The following NSMAF variants were observed in gnomAD, a reference collection of about 807,000 sequenced individuals.
The protein encoded by NSMAF is protein FAN.
A neutral mutation model predicts 134.9 loss-of-function variants in NSMAF; 90 were observed. The observed-to-expected ratio is 0.67, with a 90% confidence interval of 0.56 to 0.79. The LOEUF is 0.79. NSMAF is among the 30% of genes least tolerant of loss of function. The pLI is 0.00. For synonymous variants in NSMAF, 358 were observed against 389.6 expected (o/e 0.92, Z 0.96); for missense variants, 1,010 against 1,119.0 (o/e 0.90, Z 1.39).
At chr8:58,592,976 T>A (rs1806052923) in intron 23 of NSMAF, among the ~76,000 whole-genome samples, 1 of 152,096 alleles carries the variant, frequency 6.6e-6, no homozygotes, top group Admixed American at 6.6e-5. Context: ...ACATAATGCT[T>A]AATAAGCCTC....
chr8:58,602,441 A>G (rs1806306586), intron 13 of NSMAF, among the ~76,000 whole-genome samples: 1 of 152,150 alleles, frequency 6.6e-6, no homozygotes, highest in Admixed American at 6.5e-5. Flanking sequence ...AACAACAACA[A>G]CAAAATTTTA....
rs2129144445 is a variant in NSMAF, at chr8:58,623,780, C to G, written c.385G>C (p.Gly129Arg). 1 of 1,612,772 alleles carries G rather than the reference C, an allele frequency of 6.2e-7. No homozygotes were observed. The highest frequency in any genetic ancestry group is 1.7e-4 in the Middle Eastern group (1 of 6,056). The part of the protein sequence containing the change: ...NVVAPYKIER[G>R]KMEYVFELDV... Reference sequence around the variant, plus strand: ...AATTCAAAAACATATTCCATTTTGCCCTAACAAAAAGGGGAAGATATCAAA... The same window carrying G: ...AATTCAAAAACATATTCCATTTTGCGCTAACAAAAAGGGGAAGATATCAAA... Residue 129 changes from glycine (G) to arginine (R), a missense_variant and splice_region_variant, in exon 7 of 31, where the codon GGC becomes CGC. By Grantham distance (125) the Gly-to-Arg change is moderately radical. Coordinates refer to ENST00000038176, the MANE Select transcript of NSMAF (RefSeq NM_003580.4).
At chr8:58,585,873 G>GC (rs1563521370) in intron 29 of NSMAF, 25 bp downstream of exon 29, 6 of 1,596,752 alleles carry the variant, frequency 3.8e-6, no homozygotes, top group Admixed American at 3.3e-5. Context: ...AAATGTCTTC[G>GC]CCCCCAGTAA....
chr8:58,650,209 G>T (rs999069816), intron 1 of NSMAF, among the ~76,000 whole-genome samples: 1 of 152,140 alleles, frequency 6.6e-6, no homozygotes, highest in African/African-American at 2.4e-5. Context: ...TGTTACACCT[G>T]GTACCAGGCT....
chr8:58,630,504 T>A (rs192489785), intron 6 of NSMAF, among the ~76,000 whole-genome samples: 29 of 152,070 alleles, frequency 1.9e-4, no homozygotes, highest in Admixed American at 5.3e-4. Context: ...AGGTGAGTGG[T>A]TCTCAACTTG....
At chr8:58,597,239 T>C in intron 21 of NSMAF, 148 bp downstream of exon 21, 1 of 697,394 alleles carries the variant, frequency 1.4e-6, no homozygotes, top group Non-Finnish European at 2.4e-6. Context: ...AAAACAGGTA[T>C]CTGTTTTCAG....
Position 58,603,227 on chromosome 8 carries a change from T to A in NSMAF, c.1028A>T (p.Tyr343Phe). 1 of 1,614,188 alleles carries A rather than the reference T, an allele frequency of 6.2e-7. No homozygotes were observed. The highest frequency in any genetic ancestry group is 1.1e-5 in the South Asian group (1 of 91,086). ...GCAGTTACCTAGTTCTGAGCTGGAA[T>A]AATCATGTATTATCCATGGAAACAC... ...YPVFPWIIHD[Y>F]SSSELDLSNP... The change falls in exon 13 of 31, where the codon TAT (tyrosine) becomes TTT (phenylalanine). Residue 343 changes from tyrosine (Y) to phenylalanine (F), a missense_variant. By Grantham distance (22) the Tyr-to-Phe change is conservative. Coordinates refer to ENST00000038176, the MANE Select transcript of NSMAF (RefSeq NM_003580.4).
At chr8:58,617,245 C>A (rs1375286647) in intron 9 of NSMAF, among the ~76,000 whole-genome samples, 2 of 152,152 alleles carry the variant, frequency 1.3e-5, no homozygotes, top group African/African-American at 2.4e-5. Flanking sequence ...AGGACATAGG[C>A]ATGGGCAAGG....
chr8:58,624,335 C>T (rs1424612602), intron 6 of NSMAF, among the ~76,000 whole-genome samples: 11 of 152,140 alleles, frequency 7.2e-5, no homozygotes, highest in African/African-American at 2.4e-4. Flanking sequence ...GTGTGAACCA[C>T]CACACCTGGC....
intron 16 of NSMAF, 103 bp downstream of exon 16, chr8:58,601,182 C>T (rs1806269921): frequency 1.0e-6 from 1 of 985,442 alleles, no homozygotes; most frequent in Admixed American, 2.0e-5. Context: ...TGATTTTTTA[C>T]ATTTCTTTAC....
At chr8:58,598,791 G>C (rs1024472645) in intron 19 of NSMAF, among the ~76,000 whole-genome samples, 20 of 152,240 alleles carry the variant, frequency 1.3e-4, no homozygotes, top group Non-Finnish European at 2.5e-4. Flanking sequence ...GGGAGGCCGA[G>C]GTGGGCAGAT....
chr8:58,634,174 C>T (rs999806576), intron 5 of NSMAF, among the ~76,000 whole-genome samples: 3 of 152,074 alleles, frequency 2.0e-5, no homozygotes, highest in African/African-American at 4.8e-5. Context: ...TTCACATATA[C>T]CAGTTAAAAC....
chr8:58,613,310 G>C (rs1487472776), intron 9 of NSMAF, among the ~76,000 whole-genome samples: 1 of 152,110 alleles, frequency 6.6e-6, no homozygotes, highest in African/African-American at 2.4e-5. Context: ...TTAGCCACAA[G>C]ATAAGATCAT....
At chr8:58,588,142 T>C (rs925594685) in intron 26 of NSMAF, among the ~76,000 whole-genome samples, 3 of 152,224 alleles carry the variant, frequency 2.0e-5, no homozygotes, top group African/African-American at 7.2e-5. Flanking sequence ...AATTTTAGGT[T>C]CTTGCTTTCT....
intron 1 of NSMAF, among the ~76,000 whole-genome samples, chr8:58,655,154 T>C (rs144679672): frequency 1.4e-4 from 21 of 152,266 alleles, no homozygotes; most frequent in African/African-American, 4.6e-4. Flanking sequence ...ATTTTTTAAA[T>C]AGAGAAAAGG....
Position 58,601,331 on chromosome 8 carries a change from A to G in NSMAF, c.1234T>C (p.Cys412Arg). Residue 412 changes from cysteine to arginine, a missense_variant, in exon 16 of 31, where the codon TGC becomes CGC. By Grantham distance (180) the Cys-to-Arg change is radical. Transcript: ENST00000038176. ...TTATCAAATCTTCCATTCTGCAGGC[A>G]CAGCATATACTCTGGTGCTAGAGGG... ...LVRIAPEYML[C>R]LQNGRFDNAD... is the part of the protein sequence containing the mutation. The G allele has an allele frequency of 6.2e-7, 1 of 1,614,002 alleles. No individual in the cohort carries two copies. Among genetic ancestry groups the G allele is most frequent in the Non-Finnish European group, 8.5e-7 (1 of 1,179,900 alleles).
chr8:58,585,749 CCAGA>C lies in NSMAF; in HGVS notation c.2558_2561del (p.Val853GlyfsTer36), dbSNP rs751219887. 1.2e-6 allele frequency: 2 copies of C among 1,614,014 alleles called. No homozygotes were observed. The highest frequency in any genetic ancestry group is 1.7e-6 in the Non-Finnish European group (2 of 1,179,918). ...TGCCAGATAAAACGGAATTTCCATC[CCAGA>C]CAAAGCACCTGCAAGAATGATTTAG... is the stretch of plus-strand genomic sequence containing the variant. On this transcript the variant is annotated frameshift_variant, in exon 30 of 31. Transcript: ENST00000038176. LOFTEE classifies it high-confidence loss of function.
At chr8:58,597,363 G>T (rs370919057) in intron 21 of NSMAF, 24 bp downstream of exon 21, 2 of 1,602,184 alleles carry the variant, frequency 1.2e-6, no homozygotes, top group South Asian at 2.2e-5. Context: ...AGGTGCTCAC[G>T]TTTATTCTCT....
intron 1 of NSMAF, among the ~76,000 whole-genome samples, chr8:58,651,701 T>C (rs746856501): frequency 6.6e-6 from 1 of 152,170 alleles, no homozygotes; most frequent in Non-Finnish European, 1.5e-5. Flanking sequence ...GGAAGTTCAG[T>C]TGGAAGGAAC....
Sources: gnomAD v4.1 joint callset for allele counts (sites outside exome capture counted in the v4.1 genomes callset) on GRCh38, gnomAD v4.1.1 for gene constraint, MANE v1.5 for transcripts, NCBI Gene and HGNC (gene_info 2026-07-23, HGNC 2026-07-21) for gene names.